The following RPA1 variants were observed in gnomAD, a reference collection of about 807,000 sequenced individuals.
RPA1 encodes the protein replication protein A 70 kDa DNA-binding subunit.
In RPA1, 49 loss-of-function variants were observed where a neutral mutation model predicts 83.0. That is an observed-to-expected ratio of 0.59 (90% CI 0.47 to 0.75). The LOEUF is 0.75. RPA1 is among the 30% of genes least tolerant of loss of function. The probability of loss-of-function intolerance (pLI) is 0.00; values close to 1 mark genes in which losing one functional copy is unlikely to be tolerated. For missense variants in RPA1, 693 were observed against 776.1 expected, an observed-to-expected ratio of 0.89 and a Z score of 1.27; for synonymous variants, 279 against 281.8, an observed-to-expected ratio of 0.99 and a Z score of 0.10.
intron 8 of RPA1, among the ~76,000 whole-genome samples, chr17:1,877,764 C>T (rs772047082): frequency 2.0e-5 from 3 of 152,160 alleles, no homozygotes; most frequent in Non-Finnish European, 4.4e-5. Context: ...GCAGAAGGCA[C>T]ACAGTTGTGA....
chr17:1,889,243 G>A (rs1351772573), intron 14 of RPA1, among the ~76,000 whole-genome samples: 2 of 152,044 alleles, frequency 1.3e-5, no homozygotes, highest in African/African-American at 4.8e-5. Context: ...ACGGTGTGCT[G>A]ATGTGAGATT....
intron 4 of RPA1, 141 bp from the exon 5 acceptor site, chr17:1,852,960 G>T: frequency 1.5e-6 from 1 of 662,688 alleles, no homozygotes. Context: ...TGCGGCGAAA[G>T]ATGAAGAGAA....
chr17:1,877,170 A>G, intron 7 of RPA1, 42 bp from the exon 8 acceptor site: 1 of 1,563,950 alleles, frequency 6.4e-7, no homozygotes, highest in South Asian at 1.1e-5. Context: ...GATCTTTTCC[A>G]AGGAAGACCC....
intron 1 of RPA1, among the ~76,000 whole-genome samples, chr17:1,834,921 G>C: frequency 6.6e-6 from 1 of 152,080 alleles, no homozygotes. Context: ...GGGTGCAGAA[G>C]CACAATCTCA....
chr17:1,858,284 C>T, intron 5 of RPA1: 1 of 1,611,398 alleles, frequency 6.2e-7, no homozygotes, highest in East Asian at 2.2e-5. Flanking sequence ...AGTAACACGG[C>T]CGACATGCCA....
At chr17:1,890,392 G>A (rs537224865) in intron 14 of RPA1, among the ~76,000 whole-genome samples, 1 of 152,098 alleles carries the variant, frequency 6.6e-6, no homozygotes, top group Admixed American at 6.5e-5. Context: ...GCCGGGCACG[G>A]TGGCTCACGC....
intron 5 of RPA1, among the ~76,000 whole-genome samples, chr17:1,854,709 C>T (rs1446520567): frequency 6.6e-6 from 1 of 152,144 alleles, no homozygotes; most frequent in East Asian, 1.9e-4. Flanking sequence ...CTATTCCCCA[C>T]TGCAAAAAAT....
chr17:1,874,012 A>AATATATATATATATATAT (rs1180376121), intron 6 of RPA1, among the ~76,000 whole-genome samples: 3 of 93,844 alleles, frequency 3.2e-5, no homozygotes, highest in Admixed American at 2.7e-4. Context: ...AAAAAAAAAA[A>AATATATATATATATATAT]ATATATATAT....
chr17:1,841,999 T>A (rs1471739937), intron 1 of RPA1, among the ~76,000 whole-genome samples: 2 of 152,154 alleles, frequency 1.3e-5, no homozygotes, highest in Non-Finnish European at 2.9e-5. Context: ...TATATAGTGC[T>A]GGATTTGATT....
intron 5 of RPA1, among the ~76,000 whole-genome samples, chr17:1,856,562 G>A (rs1912706165): frequency 6.6e-6 from 1 of 152,132 alleles, no homozygotes; most frequent in Non-Finnish European, 1.5e-5. Flanking sequence ...TCATGCCACG[G>A]GCACTCCAGC....
intron 4 of RPA1, 59 bp downstream of exon 4, chr17:1,844,745 T>A: frequency 1.5e-6 from 2 of 1,322,036 alleles, no homozygotes; most frequent in Non-Finnish European, 1.1e-6. Flanking sequence ...AATTTAGGAA[T>A]AAAAAAGGCA....
intron 13 of RPA1, among the ~76,000 whole-genome samples, chr17:1,887,627 C>T (rs913103598): frequency 6.6e-6 from 1 of 151,508 alleles, no homozygotes; most frequent in Admixed American, 6.6e-5. Flanking sequence ...GTGGCTTACT[C>T]CTATAATCCT....
chr17:1,867,324 A>G (rs1913211979), intron 5 of RPA1, among the ~76,000 whole-genome samples: 1 of 115,392 alleles, frequency 8.7e-6, no homozygotes, highest in Non-Finnish European at 2.0e-5. Flanking sequence ...ACCTCTGGCC[A>G]GGTTTCTAGT....
intron 5 of RPA1, among the ~76,000 whole-genome samples, chr17:1,870,266 C>T (rs922734614): frequency 6.6e-6 from 1 of 152,152 alleles, no homozygotes; most frequent in African/African-American, 2.4e-5. Flanking sequence ...GTAATTCATA[C>T]GTATTACAGG....
intron 5 of RPA1, among the ~76,000 whole-genome samples, chr17:1,856,136 C>T (rs976850915): frequency 6.6e-6 from 1 of 152,032 alleles, no homozygotes; most frequent in Non-Finnish European, 1.5e-5. Flanking sequence ...CCAGCCTGCG[C>T]AACATGATAA....
chr17:1,877,177 A>T, intron 7 of RPA1, 35 bp from the exon 8 acceptor site: 1 of 1,571,526 alleles, frequency 6.4e-7, no homozygotes. Flanking sequence ...TCCAAGGAAG[A>T]CCCCATACAC....
In RPA1 at chr17:1,898,678, C is replaced by T. The variant is rs1028444382; in HGVS notation, c.*1503C>T. 4 of 152,314 alleles carry T rather than the reference C, an allele frequency of 2.6e-5. No individual in the cohort carries two copies. Among genetic ancestry groups the T allele is most frequent in the Admixed American group, 6.5e-5 (1 of 15,302 alleles). The allele number at this position is 152,314 out of a possible 1,614,324, so 9.4% of individuals were successfully genotyped here. A position where few individuals can be genotyped will look rare whatever the true frequency, so the allele number is the denominator to read the frequency against. ...AGCCAGCCCTAGACGGGATGACTTC[C>T]GTTCCTGAGGACAGACACAGAGGGA... is the stretch of plus-strand genomic sequence containing the variant. On this transcript the variant is annotated 3_prime_UTR_variant, in exon 17 of 17. Transcript: ENST00000254719.
intron 5 of RPA1, among the ~76,000 whole-genome samples, chr17:1,870,354 C>G (rs569915356): frequency 6.6e-6 from 1 of 152,218 alleles, no homozygotes; most frequent in African/African-American, 2.4e-5. Flanking sequence ...ACATTATGTA[C>G]TGCTAAAAGG....
intron 8 of RPA1, among the ~76,000 whole-genome samples, chr17:1,877,894 G>A (rs942831856): frequency 1.3e-5 from 2 of 152,194 alleles, no homozygotes; most frequent in African/African-American, 2.4e-5. Flanking sequence ...ATGGAAGTAC[G>A]ACAGTCTTGA....
Sources: allele counts gnomAD v4.1 joint callset (sites outside exome capture counted in the v4.1 genomes callset), GRCh38; gene constraint gnomAD v4.1.1; transcripts MANE v1.5; gene names NCBI Gene and HGNC (gene_info 2026-07-23, HGNC 2026-07-21).